The following NOX3 variants were observed in gnomAD, a reference collection of about 807,000 sequenced individuals.
NOX3 encodes the protein NADPH oxidase catalytic subunit-like 3.
In NOX3, 74 loss-of-function variants were observed where a neutral mutation model predicts 76.7. The observed-to-expected ratio is 0.96, with a 90% CI of 0.80 to 1.17. NOX3 has a LOEUF of 1.17. Among genes scored for constraint, NOX3 ranks in the 50% most tolerant of loss-of-function variants. The probability of loss-of-function intolerance (pLI) is 0.00; values close to 1 mark genes in which losing one functional copy is unlikely to be tolerated. For missense variants in NOX3, 695 were observed against 703.3 expected, an observed-to-expected ratio of 0.99 and a Z score of 0.13; for synonymous variants, 263 against 261.1, an observed-to-expected ratio of 1.01 and a Z score of -0.07.
chr6:155,455,679 T>C (rs1777204989), intron 1 of NOX3, 74 bp downstream of exon 1: 2 of 1,189,390 alleles, frequency 1.7e-6, no homozygotes, highest in African/African-American at 1.5e-5. Context: ...TTAGCGTTCC[T>C]ATACAAGTTT....
chr6:155,398,647 A>G (rs1310763111), intron 12 of NOX3, among the ~76,000 whole-genome samples: 2 of 152,240 alleles, frequency 1.3e-5, no homozygotes, highest in Non-Finnish European at 2.9e-5. Flanking sequence ...AATTTTTCAG[A>G]AAATATTTCC....
rs146379507 is a variant in NOX3 at position 155,409,054 on chromosome 6, A to G, written c.1456-1800T>C. 2.4e-3 allele frequency among the ~76,000 whole-genome samples: 359 copies of G among 152,278 alleles called. 3 individuals are homozygous for G. The highest frequency in any genetic ancestry group is 8.2e-3 in the African/African-American group (341 of 41,552). ...AACCCCACCAGTATGCGCTATACCC[A>G]TGTAACAAATGGGCACACGCACCCT... is the stretch of plus-strand genomic sequence containing the variant. On this transcript the variant is annotated intron_variant, in intron 11 of 13. Coordinates refer to ENST00000159060, the MANE Select transcript of NOX3 (RefSeq NM_015718.3).
rs200250341 is a variant in NOX3, at chr6:155,455,809, T to C, written c.-9A>G. On this transcript the variant is annotated 5_prime_UTR_variant, in exon 1 of 14. Coordinates refer to ENST00000159060, the MANE Select transcript of NOX3 (RefSeq NM_015718.3). Reference sequence around the variant, plus strand: ...ATCCAGCACCCCATCATGATACTTGTTGCTCTTCGGCTGTCAGGAAATTTC... The same window carrying C: ...ATCCAGCACCCCATCATGATACTTGCTGCTCTTCGGCTGTCAGGAAATTTC... 2,081 of 1,613,594 alleles carry C rather than the reference T, an allele frequency of 1.3e-3. 3 individuals are homozygous for C. Among genetic ancestry groups the C allele is most frequent in the Non-Finnish European group, 1.7e-3 (1,953 of 1,179,522 alleles).
chr6:155,421,485 T>C (rs893458652), intron 10 of NOX3, among the ~76,000 whole-genome samples: 1 of 152,156 alleles, frequency 6.6e-6, no homozygotes, highest in Non-Finnish European at 1.5e-5. Context: ...GAATTCTTGA[T>C]AGGTGTTAGG....
At chr6:155,418,677 G>A (rs1582933344) in intron 10 of NOX3, among the ~76,000 whole-genome samples, 1 of 149,926 alleles carries the variant, frequency 6.7e-6, no homozygotes, top group Non-Finnish European at 1.5e-5. Flanking sequence ...TACTTATGAC[G>A]CTTCCCACTG....
chr6:155,423,076 T>C (rs536142628), intron 9 of NOX3, among the ~76,000 whole-genome samples: 21 of 152,204 alleles, frequency 1.4e-4, no homozygotes, highest in Non-Finnish European at 3.1e-4. Flanking sequence ...GCCCAGGCAC[T>C]GTTCATGGAA....
chr6:155,404,510 C>A (rs935537228), intron 12 of NOX3, among the ~76,000 whole-genome samples: 1 of 152,158 alleles, frequency 6.6e-6, no homozygotes, highest in African/African-American at 2.4e-5. Flanking sequence ...CTGGAAAAGT[C>A]TCCAAGGCCA....
intron 5 of NOX3, 72 bp from the exon 6 acceptor site, chr6:155,440,209 A>AT (rs561715949): frequency 0.052 from 51,771 of 995,798 alleles, 123 homozygotes; most frequent in Middle Eastern, 0.076. Flanking sequence ...ATCCTGGCAT[A>AT]TTTTTTTTTT....
chr6:155,439,901 T>G, intron 6 of NOX3, 55 bp downstream of exon 6: 1 of 1,514,846 alleles, frequency 6.6e-7, no homozygotes, highest in Non-Finnish European at 8.9e-7. Context: ...TTTCTAAGAT[T>G]ATTTTGGGAC....
intron 4 of NOX3, among the ~76,000 whole-genome samples, chr6:155,451,127 A>AACC (rs1225292223): frequency 6.6e-6 from 1 of 151,910 alleles, no homozygotes; most frequent in African/African-American, 2.4e-5. Flanking sequence ...TACAGGCATG[A>AACC]ACCACCATAC....
chr6:155,417,433 C>T (rs1008722096), intron 10 of NOX3, among the ~76,000 whole-genome samples: 3 of 152,148 alleles, frequency 2.0e-5, no homozygotes, highest in Non-Finnish European at 4.4e-5. Flanking sequence ...ACTGTAGTCA[C>T]GCAATCTGTG....
At chr6:155,427,849 T>C (rs1047656253) in intron 9 of NOX3, among the ~76,000 whole-genome samples, 10 of 152,166 alleles carry the variant, frequency 6.6e-5, no homozygotes, top group Non-Finnish European at 1.3e-4. Context: ...GTCATTTACT[T>C]TGGGACTTCT....
chr6:155,439,634 C>T (rs946326789), intron 6 of NOX3, among the ~76,000 whole-genome samples: 1 of 152,136 alleles, frequency 6.6e-6, no homozygotes, highest in Non-Finnish European at 1.5e-5. Flanking sequence ...TGAGTAATCT[C>T]ACATAAATTG....
intron 11 of NOX3, among the ~76,000 whole-genome samples, chr6:155,408,016 T>C (rs1277488850): frequency 6.6e-6 from 1 of 152,222 alleles, no homozygotes; most frequent in Non-Finnish European, 1.5e-5. Context: ...CCTTGCTGTG[T>C]CACCCAGGCT....
intron 11 of NOX3, among the ~76,000 whole-genome samples, chr6:155,408,860 G>A (rs1374790862): frequency 6.6e-6 from 1 of 150,812 alleles, no homozygotes; most frequent in African/African-American, 2.4e-5. Context: ...AACAAAAAAC[G>A]AAATACTCTA....
intron 10 of NOX3, among the ~76,000 whole-genome samples, chr6:155,412,194 G>T (rs1290146274): frequency 1.3e-5 from 2 of 152,002 alleles, no homozygotes; most frequent in African/African-American, 4.8e-5. Context: ...CATCTGTATG[G>T]CTTAACAATA....
chr6:155,447,361 T>C (rs1022393189), intron 4 of NOX3, among the ~76,000 whole-genome samples: 2 of 152,236 alleles, frequency 1.3e-5, no homozygotes, highest in African/African-American at 4.8e-5. Context: ...GTTCTTCTTC[T>C]CTGTAATGAG....
intron 12 of NOX3, among the ~76,000 whole-genome samples, chr6:155,399,253 T>C (rs1291235528): frequency 6.6e-6 from 1 of 152,162 alleles, no homozygotes; most frequent in African/African-American, 2.4e-5. Context: ...ACTGGCCCAC[T>C]CCAATGGGCT....
chr6:155,398,292 G>A (rs1031655875), intron 12 of NOX3, among the ~76,000 whole-genome samples: 3 of 152,130 alleles, frequency 2.0e-5, no homozygotes, highest in Non-Finnish European at 4.4e-5. Flanking sequence ...CGCCCTGTGA[G>A]CCTCACTTTG....
Sources: gnomAD v4.1 joint callset for allele counts (sites outside exome capture counted in the v4.1 genomes callset) on GRCh38, gnomAD v4.1.1 for gene constraint, MANE v1.5 for transcripts, NCBI Gene and HGNC (gene_info 2026-07-23, HGNC 2026-07-21) for gene names.